Variants in CGGBP1 observed in about 807,000 individuals in gnomAD.
CGGBP1 encodes CGG triplet repeat binding protein 1.
A neutral mutation model predicts 11.4 loss-of-function variants in CGGBP1; 4 were observed. That is an observed-to-expected ratio of 0.35 (90% CI 0.17 to 0.80). The LOEUF (loss-of-function observed/expected upper bound fraction) is 0.80, where lower values mean the gene tolerates loss of function less well. Among genes scored for constraint, CGGBP1 ranks in the 30% least tolerant of loss-of-function variants. The probability of loss-of-function intolerance (pLI) is 0.52; values close to 1 mark genes in which losing one functional copy is unlikely to be tolerated. For missense variants in CGGBP1, 135 were observed against 202.1 expected (o/e 0.67, Z 2.01); for synonymous variants, 76 against 74.1 (o/e 1.03, Z -0.13).
chr3:88,117,017 G>A (rs950897530), intron 2 of CGGBP1, among the ~76,000 whole-genome samples: 13 of 152,210 alleles, frequency 8.5e-5, no homozygotes, highest in African/African-American at 2.9e-4. Flanking sequence ...GATCTGTTAC[G>A]TTTTTGCTGA....
chr3:88,138,895 G>T, intron 2 of CGGBP1: 1 of 1,233,172 alleles, frequency 8.1e-7, no homozygotes, highest in Non-Finnish European at 1.0e-6. Context: ...GAAGCGTATC[G>T]TACTGTTGAA....
chr3:88,086,869 C>T (rs2107663749), intron 2 of CGGBP1, among the ~76,000 whole-genome samples: 1 of 151,410 alleles, frequency 6.6e-6, no homozygotes, highest in Admixed American at 6.6e-5. Flanking sequence ...TGCAAGCTCC[C>T]CCTCCCGGGT....
intron 1 of CGGBP1, among the ~76,000 whole-genome samples, chr3:88,149,131 G>A (rs1023210044): frequency 1.3e-5 from 2 of 152,198 alleles, no homozygotes; most frequent in Non-Finnish European, 2.9e-5. Context: ...TCTCGTAAAT[G>A]TGTGTTGCTA....
chr3:88,055,821 A>G lies in CGGBP1; in HGVS notation c.156T>C (p.His52=), dbSNP rs1473605334. The change falls in exon 4 of 4, where the codon CAT becomes CAC. Residue 52 remains histidine (H), a synonymous_variant. Transcript: ENST00000482016. This position sits in a 1 kb window ranked among gnomAD's most constrained non-coding sequence, Gnocchi z 4.2. The part of the protein sequence containing the change: ...FCTSCNVVLN[H]VRKSAISDHL... The stretch of plus-strand genomic sequence containing the variant: ...GGTCACTAATGGCAGACTTGCGAAC[A>G]TGATTCAGAACCACATTGCAAGAAG... The G allele has an allele frequency of 1.2e-5, 19 of 1,614,092 alleles. No homozygotes were observed. Among genetic ancestry groups the G allele is most frequent in the Non-Finnish European group, 1.4e-5 (17 of 1,180,034 alleles).
chr3:88,112,683 G>T (rs1336967359), intron 2 of CGGBP1, among the ~76,000 whole-genome samples: 1 of 151,800 alleles, frequency 6.6e-6, no homozygotes, highest in Non-Finnish European at 1.5e-5. Flanking sequence ...TTATGTTTTT[G>T]TGTTAATTTT....
chr3:88,112,045 G>T (rs182702421), intron 2 of CGGBP1, among the ~76,000 whole-genome samples: 4 of 151,926 alleles, frequency 2.6e-5, no homozygotes, highest in Admixed American at 1.3e-4. Context: ...AATCATCAAA[G>T]AATATTTTTC....
chr3:88,071,898 T>C (rs1398937262), intron 2 of CGGBP1, among the ~76,000 whole-genome samples: 1 of 152,242 alleles, frequency 6.6e-6, no homozygotes, highest in African/African-American at 2.4e-5. Context: ...CTCTTATATT[T>C]TGAAGTTAAC....
At position 88,054,229 on chromosome 3, in the gene CGGBP1, G is replaced by A. The variant is rs1156362585; in HGVS notation, c.*1244C>T. The A allele has an allele frequency of 6.6e-6, 1 of 152,572 alleles. No homozygotes were observed. Among genetic ancestry groups the A allele is most frequent in the Non-Finnish European group, 1.5e-5 (1 of 68,008 alleles). The allele number at this position is 152,572 out of a possible 1,614,324, so 9.5% of individuals were successfully genotyped here. ...ATTTTTTATTAAAGCTCTAGTCCAA[G>A]TTTCCAGCTGTTAAATTTTTAAAAA... On this transcript the variant is annotated 3_prime_UTR_variant, in exon 4 of 4. Transcript: ENST00000482016.
intron 2 of CGGBP1, among the ~76,000 whole-genome samples, chr3:88,082,640 T>G (rs1317337245): frequency 6.6e-6 from 1 of 152,226 alleles, no homozygotes; most frequent in Non-Finnish European, 1.5e-5. Context: ...TGATCTAGTC[T>G]GTTAATAGGG....
chr3:88,136,006 T>C (rs1252208801), intron 2 of CGGBP1, among the ~76,000 whole-genome samples: 2 of 152,142 alleles, frequency 1.3e-5, no homozygotes, highest in African/African-American at 4.8e-5. Context: ...GTAGTGATCA[T>C]ATTCCCATGA....
intron 1 of CGGBP1, among the ~76,000 whole-genome samples, chr3:88,146,627 G>A (rs1707317771): frequency 6.6e-6 from 1 of 152,052 alleles, no homozygotes; most frequent in African/African-American, 2.4e-5. Context: ...TTCATATTAG[G>A]TATGGCTCCC....
upstream of CGGBP1, among the ~76,000 whole-genome samples, chr3:88,062,973 A>G (rs913725440): frequency 2.0e-5 from 3 of 152,222 alleles, no homozygotes; most frequent in African/African-American, 4.8e-5. Flanking sequence ...AAATTTAGAA[A>G]TGTTACAATT....
At chr3:88,120,074 T>TAA (rs57135246) in intron 2 of CGGBP1, among the ~76,000 whole-genome samples, 39 of 151,252 alleles carry the variant, frequency 2.6e-4, no homozygotes, top group South Asian at 6.3e-4. Context: ...TCTACTTATT[T>TAA]AAAAAAAAAT....
intron 2 of CGGBP1, among the ~76,000 whole-genome samples, chr3:88,102,453 A>C (rs1375261495): frequency 6.6e-6 from 1 of 152,196 alleles, no homozygotes; most frequent in Non-Finnish European, 1.5e-5. Context: ...AATCCCATAC[A>C]GTGTATTTTT....
intron 2 of CGGBP1, among the ~76,000 whole-genome samples, chr3:88,071,285 G>A (rs1485833572): frequency 2.0e-5 from 3 of 152,072 alleles, no homozygotes; most frequent in Admixed American, 2.0e-4. Context: ...CAAGGTGGGC[G>A]GATCACCTGA....
chr3:88,112,647 C>T (rs887377474), intron 2 of CGGBP1, among the ~76,000 whole-genome samples: 2 of 151,682 alleles, frequency 1.3e-5, no homozygotes, highest in East Asian at 1.9e-4. Context: ...AAATGTTGGC[C>T]GAGAGTTTTA....
chr3:88,100,142 A>G (rs529099671), intron 2 of CGGBP1, among the ~76,000 whole-genome samples: 27 of 152,234 alleles, frequency 1.8e-4, no homozygotes, highest in African/African-American at 6.3e-4. Flanking sequence ...AAATCAAACA[A>G]CCCCATCAGA....
chr3:88,059,236 T>C (rs1576164974), upstream of CGGBP1: 1 of 1,517,852 alleles, frequency 6.6e-7, no homozygotes, highest in Non-Finnish European at 8.8e-7. Flanking sequence ...GGGAGGGAAC[T>C]AGAGAGGAGG....
chr3:88,086,821 C>T (rs1292985110), intron 2 of CGGBP1, among the ~76,000 whole-genome samples: 7 of 152,164 alleles, frequency 4.6e-5, no homozygotes, highest in Admixed American at 1.3e-4. Flanking sequence ...CTCGCTCTGT[C>T]GCCCAGGCTG....
Sources: allele counts gnomAD v4.1 joint callset (sites outside exome capture counted in the v4.1 genomes callset), GRCh38; gene constraint gnomAD v4.1.1; non-coding constraint Gnocchi (gnomAD v3.1); transcripts MANE v1.5; gene names NCBI Gene and HGNC (gene_info 2026-07-23, HGNC 2026-07-21).